Variants in SPOCK1 observed in about 807,000 individuals in gnomAD.
The protein encoded by SPOCK1 is SPARC (osteonectin), cwcv and kazal like domains proteoglycan 1.
Under a neutral mutation model 55.3 loss-of-function variants are expected in SPOCK1, and 23 were observed. The ratio of observed to expected loss-of-function variants is 0.42; its 90% CI spans 0.30 to 0.59. SPOCK1 has a LOEUF of 0.59. SPOCK1 is among the 20% of genes least tolerant of loss of function. SPOCK1 has a pLI of 0.22. For missense variants in SPOCK1, 499 were observed against 552.5 expected (o/e 0.90, Z 0.97); for synonymous variants, 226 against 221.0 (o/e 1.02, Z -0.20).
chr5:137,278,611 A>G (rs1011332977), intron 2 of SPOCK1, among the ~76,000 whole-genome samples: 13 of 152,192 alleles, frequency 8.5e-5, no homozygotes, highest in African/African-American at 3.1e-4. Flanking sequence ...TGCGGGGTCA[A>G]GGAGTCCTGA....
intron 3 of SPOCK1, among the ~76,000 whole-genome samples, chr5:137,160,569 T>TA (rs1484958227): frequency 1.4e-5 from 1 of 70,636 alleles, no homozygotes; most frequent in African/African-American, 5.9e-5. Flanking sequence ...ATATATTATA[T>TA]ATTATATAAT....
At chr5:137,238,937 C>CT (rs1409002103) in intron 3 of SPOCK1, among the ~76,000 whole-genome samples, 1 of 152,130 alleles carries the variant, frequency 6.6e-6, no homozygotes, top group Non-Finnish European at 1.5e-5. Context: ...CACAGAGCTC[C>CT]TAAAACCCTT....
intron 2 of SPOCK1, among the ~76,000 whole-genome samples, chr5:137,350,205 A>G (rs76377222): frequency 0.034 from 5,227 of 152,252 alleles, 108 homozygotes; most frequent in South Asian, 0.045. Flanking sequence ...TGCTATGGAC[A>G]GAAGGAGAGC....
chr5:137,258,367 AC>A (rs1394732091), intron 3 of SPOCK1, among the ~76,000 whole-genome samples: 2 of 152,340 alleles, frequency 1.3e-5, no homozygotes, highest in Admixed American at 6.5e-5. Context: ...TAATTGCTAC[AC>A]AGTACAATTG....
At chr5:137,224,100 T>C (rs1755905688) in intron 3 of SPOCK1, among the ~76,000 whole-genome samples, 1 of 152,212 alleles carries the variant, frequency 6.6e-6, no homozygotes, top group African/African-American at 2.4e-5. Flanking sequence ...GCTGGTTCTT[T>C]GGAAAGAGGA....
In SPOCK1 at chr5:137,067,742, G is replaced by C; in HGVS notation, c.562C>G (p.Pro188Ala). The change falls in exon 6 of 11, where the codon CCA (proline) becomes GCA (alanine). Residue 188 changes from proline (P) to alanine (A), a missense_variant. By Grantham distance (27) the Pro-to-Ala change is conservative. Coordinates refer to ENST00000394945, the MANE Select transcript of SPOCK1 (RefSeq NM_004598.4). ...CTCCTTTCTGCCTTGTGCTTTGGTGGCTCAGGCTCTGGGAGACAGGGACAG... is the reference window on the plus strand; with the variant it reads ...CTCCTTTCTGCCTTGTGCTTTGGTGCCTCAGGCTCTGGGAGACAGGGACAG... Reference protein sequence around the residue: ...GPCPCLPEPEPPKHKAERSAC... With the variant: ...GPCPCLPEPEAPKHKAERSAC... 1.2e-6 allele frequency: 2 copies of C among 1,614,136 alleles called. No individual in the cohort carries two copies. The highest frequency in any genetic ancestry group is 2.7e-5 in the African/African-American group (2 of 75,030).
chr5:137,341,969 C>G (rs948667292), intron 2 of SPOCK1, among the ~76,000 whole-genome samples: 1 of 152,220 alleles, frequency 6.6e-6, no homozygotes, highest in Non-Finnish European at 1.5e-5. Flanking sequence ...CTTCTCTGAT[C>G]CTTTACCATG....
intron 4 of SPOCK1, among the ~76,000 whole-genome samples, chr5:137,129,948 G>C (rs1365951644): frequency 6.6e-6 from 1 of 152,180 alleles, no homozygotes; most frequent in Non-Finnish European, 1.5e-5. Context: ...CCTGAGCAAG[G>C]AAAGGGATCA....
At chr5:137,237,100 A>G (rs762291305) in intron 3 of SPOCK1, among the ~76,000 whole-genome samples, 7 of 152,236 alleles carry the variant, frequency 4.6e-5, no homozygotes, top group Non-Finnish European at 1.0e-4. Flanking sequence ...AGCGATGCCA[A>G]TGGAATGAAT....
At chr5:137,005,914 A>G (rs955318763) in intron 6 of SPOCK1, among the ~76,000 whole-genome samples, 9 of 152,212 alleles carry the variant, frequency 5.9e-5, no homozygotes, top group Non-Finnish European at 8.8e-5. Flanking sequence ...ATAAGCTAGG[A>G]AAAAGGGACC....
At chr5:137,176,092 C>T (rs1424015204) in intron 3 of SPOCK1, among the ~76,000 whole-genome samples, 3 of 152,160 alleles carry the variant, frequency 2.0e-5, no homozygotes, top group African/African-American at 7.2e-5. Context: ...CTTTATCTTC[C>T]TAATGACTGA....
chr5:137,262,764 A>G (rs1357351911), intron 3 of SPOCK1, among the ~76,000 whole-genome samples: 1 of 152,182 alleles, frequency 6.6e-6, no homozygotes, highest in Non-Finnish European at 1.5e-5. Context: ...GCTTCAGAGC[A>G]TCACAACTTG....
intron 3 of SPOCK1, among the ~76,000 whole-genome samples, chr5:137,171,978 T>G (rs991918841): frequency 6.6e-6 from 1 of 152,204 alleles, no homozygotes; most frequent in African/African-American, 2.4e-5. Context: ...ATGAACAATT[T>G]GCCTCTGTGG....
chr5:136,979,652 G>A (rs190100735), intron 9 of SPOCK1, among the ~76,000 whole-genome samples, 183 bp from the exon 10 acceptor site: 40 of 152,246 alleles, frequency 2.6e-4, no homozygotes, highest in Admixed American at 2.3e-3. Context: ...AGGCCCAAAC[G>A]CGATGAGCTC....
intron 3 of SPOCK1, among the ~76,000 whole-genome samples, chr5:137,141,107 A>G (rs964006899): frequency 6.6e-6 from 1 of 152,154 alleles, no homozygotes; most frequent in African/African-American, 2.4e-5. Flanking sequence ...TAAACCAACC[A>G]TGTGTTTGCC....
intron 2 of SPOCK1, among the ~76,000 whole-genome samples, chr5:137,285,206 T>C (rs1163473134): frequency 1.3e-5 from 2 of 152,198 alleles, no homozygotes; most frequent in African/African-American, 2.4e-5. Flanking sequence ...ATTTTGGTCA[T>C]TGCTTGTCTT....
At chr5:137,404,402 C>A (rs1248288463) in intron 2 of SPOCK1, among the ~76,000 whole-genome samples, 1 of 122,290 alleles carries the variant, frequency 8.2e-6, no homozygotes, top group Non-Finnish European at 1.6e-5. Flanking sequence ...ACAACTAATT[C>A]AAAATGACTT....
chr5:137,136,761 G>C (rs1753992828), intron 4 of SPOCK1, among the ~76,000 whole-genome samples: 1 of 152,114 alleles, frequency 6.6e-6, no homozygotes, highest in African/African-American at 2.4e-5. Flanking sequence ...CTGCTCTTTT[G>C]TGCATAACTG....
At chr5:137,233,713 C>CTTTTTTTTTTTTT (rs56328555) in intron 3 of SPOCK1, among the ~76,000 whole-genome samples, 53 of 58,422 alleles carry the variant, frequency 9.1e-4, no homozygotes, top group East Asian at 2.4e-3. Flanking sequence ...AGGATATGCA[C>CTTTTTTTTTTTTT]TTTTTTTTTT....
Sources: allele counts gnomAD v4.1 joint callset (sites outside exome capture counted in the v4.1 genomes callset), GRCh38; gene constraint gnomAD v4.1.1; transcripts MANE v1.5; gene names NCBI Gene and HGNC (gene_info 2026-07-23, HGNC 2026-07-21).